The following B4GALT1 variants were observed in gnomAD, a reference collection of about 807,000 sequenced individuals.
B4GALT1 encodes the protein beta-1,4-galactosyltransferase 1, also known as N-acetyllactosamine synthase.
Under a neutral mutation model 34.9 loss-of-function variants are expected in B4GALT1, and 16 were observed. The ratio of observed to expected loss-of-function variants is 0.46; its 90% confidence interval spans 0.31 to 0.70. The LOEUF (loss-of-function observed/expected upper bound fraction) is 0.70. Ranked by LOEUF, B4GALT1 falls within the 30% of genes least tolerant of loss-of-function variation. B4GALT1 has a pLI of 0.05. For synonymous variants in B4GALT1, 221 were observed against 218.1 expected (o/e 1.01, Z -0.12); for missense variants, 445 against 530.5 (o/e 0.84, Z 1.58).
the B4GALT1 span, among the ~76,000 whole-genome samples, chr9:33,184,076 G>A: frequency 6.6e-6 from 1 of 151,662 alleles, no homozygotes; most frequent in Admixed American, 6.6e-5. Context: ...GTAGGTGATG[G>A]GTTGGTGAGT....
At chr9:33,117,946 G>T (rs1349633252) in intron 3 of B4GALT1, among the ~76,000 whole-genome samples, 1 of 152,224 alleles carries the variant, frequency 6.6e-6, no homozygotes, top group Non-Finnish European at 1.5e-5. Context: ...ATTTGGTTTT[G>T]CTGTCTCTGC....
At chr9:33,139,576 C>T (rs1840318746) in intron 1 of B4GALT1, among the ~76,000 whole-genome samples, 1 of 152,214 alleles carries the variant, frequency 6.6e-6, no homozygotes, top group Non-Finnish European at 1.5e-5. Context: ...AGCCAGGAGG[C>T]CTCCTGAATG....
chr9:33,180,534 T>C, the B4GALT1 span, among the ~76,000 whole-genome samples: 1 of 152,356 alleles, frequency 6.6e-6, no homozygotes, highest in East Asian at 1.9e-4. Context: ...ACCAGAGTTT[T>C]TGACTATTAA....
intron 2 of B4GALT1, among the ~76,000 whole-genome samples, chr9:33,133,703 A>T (rs1440288854): frequency 6.6e-6 from 1 of 152,174 alleles, no homozygotes; most frequent in African/African-American, 2.4e-5. Flanking sequence ...TGGCCGAAGA[A>T]TTCAAACAGC....
At chr9:33,171,781 C>G (rs1023002967), upstream of B4GALT1, among the ~76,000 whole-genome samples, 6 of 152,156 alleles carry the variant, frequency 3.9e-5, no homozygotes, top group African/African-American at 1.4e-4. Flanking sequence ...TCTCGAACTC[C>G]TGAGCTCACG....
rs188316187 is a variant in B4GALT1, at chr9:33,105,359, G to A, written c.649-578C>T. On this transcript the variant is annotated intron_variant, in intron 2 of 2. Transcript: ENST00000535206. The stretch of plus-strand genomic sequence containing the variant: ...TCTCCATGTTGGTCAGGCTGGTCTC[G>A]AGAACTCCCAACCTCAGGTGATCCT... Among the ~76,000 whole-genome samples, 74 of 151,630 alleles carry A rather than the reference G, an allele frequency of 4.9e-4. 1 individual carries two copies. The highest frequency in any genetic ancestry group is 3.0e-3 in the Admixed American group (45 of 15,220).
At chr9:33,145,820 T>C (rs747543510) in intron 1 of B4GALT1, among the ~76,000 whole-genome samples, 1 of 152,232 alleles carries the variant, frequency 6.6e-6, no homozygotes, top group Non-Finnish European at 1.5e-5. Flanking sequence ...TGTCTCAGAA[T>C]CTTTTCCAAT....
chr9:33,104,983 C>A (rs1839785008), intron 2 of B4GALT1, among the ~76,000 whole-genome samples: 1 of 151,950 alleles, frequency 6.6e-6, no homozygotes, highest in African/African-American at 2.4e-5. Context: ...CCACGCCCAG[C>A]TAATTTTTGT....
intron 2 of B4GALT1, among the ~76,000 whole-genome samples, chr9:33,129,580 TACTG>T (rs978265774): frequency 4.6e-5 from 7 of 152,176 alleles, no homozygotes; most frequent in African/African-American, 2.4e-5. Context: ...ACTGCGTCTG[TACTG>T]ACTATGTACC....
chr9:33,118,531 G>C (rs151178827), intron 3 of B4GALT1, among the ~76,000 whole-genome samples: 388 of 151,814 alleles, frequency 2.6e-3, no homozygotes, highest in South Asian at 5.6e-3. Flanking sequence ...TCAGCCAGGG[G>C]TGCTGGCCCA....
chr9:33,162,934 A>T (rs1397027570), intron 1 of B4GALT1, among the ~76,000 whole-genome samples: 1 of 152,230 alleles, frequency 6.6e-6, no homozygotes, highest in Non-Finnish European at 1.5e-5. Context: ...ACTGTTAGAC[A>T]AAGAATGTCT....
At chr9:33,125,396 T>TA (rs1350826352) in intron 2 of B4GALT1, among the ~76,000 whole-genome samples, 1 of 152,216 alleles carries the variant, frequency 6.6e-6, no homozygotes, top group Non-Finnish European at 1.5e-5. Flanking sequence ...CTTGTTAAGA[T>TA]ACTTAAGCTT....
chr9:33,142,612 C>CT (rs1840368600), intron 1 of B4GALT1, among the ~76,000 whole-genome samples: 2 of 152,110 alleles, frequency 1.3e-5, no homozygotes, highest in African/African-American at 2.4e-5. Flanking sequence ...CCTAGGACCT[C>CT]TTTTTCTTTT....
intron 2 of B4GALT1, among the ~76,000 whole-genome samples, chr9:33,127,185 G>A (rs112302957): frequency 4.6e-5 from 7 of 152,132 alleles, no homozygotes; most frequent in East Asian, 3.9e-4. Flanking sequence ...GGATGGTCTC[G>A]ATCTCCTGAC....
At chr9:33,137,181 T>A (rs1417236615) in intron 1 of B4GALT1, among the ~76,000 whole-genome samples, 2 of 152,232 alleles carry the variant, frequency 1.3e-5, no homozygotes, top group Admixed American at 1.3e-4. Flanking sequence ...GGCCCACAGC[T>A]GAGCAAAAGG....
chr9:33,158,430 T>A (rs980030813), intron 1 of B4GALT1, among the ~76,000 whole-genome samples: 1 of 152,096 alleles, frequency 6.6e-6, no homozygotes, highest in African/African-American at 2.4e-5. Flanking sequence ...TCCATAACAG[T>A]CCAAACTGCA....
the B4GALT1 span, among the ~76,000 whole-genome samples, chr9:33,183,847 A>C: frequency 2.0e-4 from 31 of 152,236 alleles, no homozygotes; most frequent in African/African-American, 7.5e-4. Flanking sequence ...ATAAAAAAGG[A>C]TGAGTTCATG....
At chr9:33,149,665 T>C (rs1419721131) in intron 1 of B4GALT1, among the ~76,000 whole-genome samples, 1 of 152,138 alleles carries the variant, frequency 6.6e-6, no homozygotes, top group Non-Finnish European at 1.5e-5. Context: ...TCCTCAAGGT[T>C]CACACTGCCA....
chr9:33,168,765 A>T (rs1840809351), upstream of B4GALT1, among the ~76,000 whole-genome samples: 1 of 152,148 alleles, frequency 6.6e-6, no homozygotes, highest in South Asian at 2.1e-4. Flanking sequence ...ATAATATCCA[A>T]ATGCTGATCA....
Sources: allele counts gnomAD v4.1 joint callset (sites outside exome capture counted in the v4.1 genomes callset), GRCh38; gene constraint gnomAD v4.1.1; transcripts MANE v1.5; gene names NCBI Gene and HGNC (gene_info 2026-07-23, HGNC 2026-07-21).